The following PPM1D variants were observed in gnomAD, a reference collection of about 807,000 sequenced individuals.
The protein encoded by PPM1D is protein phosphatase 1D.
Under a neutral mutation model 58.3 loss-of-function variants are expected in PPM1D, and 52 were observed. The ratio of observed to expected loss-of-function variants is 0.89; its 90% CI spans 0.71 to 1.12. The LOEUF is 1.12. Ranked by LOEUF, PPM1D falls within the 50% of genes most tolerant of loss-of-function variation. The pLI, the probability that PPM1D is intolerant of heterozygous loss-of-function variation, is 0.00. For missense variants in PPM1D, 564 were observed against 777.2 expected (o/e 0.73, Z 3.26); for synonymous variants, 278 against 285.1 (o/e 0.98, Z 0.25).
intron 3 of PPM1D, among the ~76,000 whole-genome samples, chr17:60,645,612 GTATATA>G (rs369188839): frequency 2.9e-4 from 38 of 131,518 alleles, no homozygotes; most frequent in African/African-American, 1.1e-3. Flanking sequence ...ATATATGTGT[GTATATA>G]TATATGTATA....
intron 1 of PPM1D, among the ~76,000 whole-genome samples, chr17:60,608,073 C>G (rs1246801853): frequency 6.6e-6 from 1 of 152,130 alleles, no homozygotes; most frequent in Non-Finnish European, 1.5e-5. Flanking sequence ...ATTTTTTCAT[C>G]ATAAAGGATC....
chr17:60,606,854 T>C lies in PPM1D; in HGVS notation c.472+5968T>C, dbSNP rs1343787720. On this transcript the variant is annotated intron_variant, in intron 1 of 5. Coordinates refer to ENST00000305921, the MANE Select transcript of PPM1D (RefSeq NM_003620.4). ...CTCTGTTGTCCAGGCTGGAGTGTAA[T>C]GGCATGATCAAAGGTCCCTGCAGCC... Among the ~76,000 whole-genome samples, 4 of 152,120 alleles carry C rather than the reference T, an allele frequency of 2.6e-5. No homozygotes were observed. In the East Asian group the frequency reaches 7.7e-4, roughly 29 times the overall value.
chr17:60,612,940 G>A (rs1416734389), intron 1 of PPM1D, among the ~76,000 whole-genome samples: 1 of 152,164 alleles, frequency 6.6e-6, no homozygotes, highest in Non-Finnish European at 1.5e-5. Context: ...ATTCTTTGAA[G>A]GATGCGACAG....
chr17:60,649,064 C>T (rs9898109), intron 4 of PPM1D, among the ~76,000 whole-genome samples: 6,393 of 151,940 alleles, frequency 0.042, 366 homozygotes, highest in African/African-American at 0.13. Context: ...CGGCCTCCAT[C>T]ACCACTACTT....
chr17:60,660,023 A>T (rs1244404484), intron 5 of PPM1D, among the ~76,000 whole-genome samples: 2 of 151,816 alleles, frequency 1.3e-5, no homozygotes, highest in Non-Finnish European at 2.9e-5. Flanking sequence ...CAATATGGTG[A>T]AACCCTGTTT....
chr17:60,647,794 A>G (rs1026966888), intron 3 of PPM1D, 98 bp from the exon 4 acceptor site: 6 of 1,194,366 alleles, frequency 5.0e-6, no homozygotes, highest in African/African-American at 3.1e-5. Flanking sequence ...TTCTGCGTCT[A>G]TTGAGATGAA....
At chr17:60,656,950 G>C (rs757505789) in intron 5 of PPM1D, 109 bp downstream of exon 5, 1 of 1,593,706 alleles carries the variant, frequency 6.3e-7, no homozygotes. Flanking sequence ...ATTTGAACTC[G>C]ATTCAAGAAA....
At chr17:60,654,044 C>T (rs914674487) in intron 4 of PPM1D, among the ~76,000 whole-genome samples, 1 of 151,904 alleles carries the variant, frequency 6.6e-6, no homozygotes, top group Non-Finnish European at 1.5e-5. Context: ...ATTGCTCTGG[C>T]CGGGACTTCC....
Position 60,663,447 on chromosome 17 carries a change from G to A in PPM1D, c.1713G>A (p.Gln571=), listed in dbSNP as rs762974022. The change falls in exon 6 of 6, where the codon CAG becomes CAA. Residue 571 remains glutamine (Q), a synonymous_variant. Transcript: ENST00000305921. ...CTGCAAGTCTCCCCACAACCTCACA[G>A]CGAAAGAACTCTGTTAAACTCACCA... ...AQPASLPTTS[Q]RKNSVKLTMR... 2 of 1,614,142 alleles carry A rather than the reference G, an allele frequency of 1.2e-6. No homozygotes were observed. The highest frequency in any genetic ancestry group is 1.6e-4 in the Middle Eastern group (1 of 6,062).
At chr17:60,622,189 CAA>C (rs527824050) in intron 1 of PPM1D, among the ~76,000 whole-genome samples, 25 of 105,426 alleles carry the variant, frequency 2.4e-4, no homozygotes, top group Admixed American at 2.0e-4. Context: ...GACTCTGTCT[CAA>C]AAAAAAAAAA....
Position 60,633,992 on chromosome 17 carries a change from A to G in PPM1D, c.826+15A>G. 1 of 1,609,692 alleles carries G rather than the reference A, an allele frequency of 6.2e-7. No homozygotes were observed. The highest frequency in any genetic ancestry group is 2.2e-5 in the East Asian group (1 of 44,814). On this transcript the variant is annotated intron_variant, in intron 3 of 5. Coordinates refer to ENST00000305921, the MANE Select transcript of PPM1D (RefSeq NM_003620.4). The stretch of plus-strand genomic sequence containing the variant: ...AAGAGCACTTGGTAAGTAGGACTTA[A>G]TTTGGTGAAATTATATTGAATTTTC...
intron 1 of PPM1D, among the ~76,000 whole-genome samples, chr17:60,606,936 A>G (rs1251857984): frequency 1.1e-4 from 16 of 151,626 alleles, no homozygotes; most frequent in Admixed American, 8.5e-4. Flanking sequence ...AGCTGAGACT[A>G]CAGGCATGTG....
chr17:60,611,046 TCTGTTGCC>T (rs1406810395), intron 1 of PPM1D, among the ~76,000 whole-genome samples: 9 of 152,240 alleles, frequency 5.9e-5, no homozygotes, highest in African/African-American at 1.9e-4. Flanking sequence ...GGAGTCTCGC[TCTGTTGCC>T]CTGTTGCCCA....
rs1349537537 is a variant in PPM1D, at chr17:60,663,301, GC to G, written c.1570del (p.Gln524LysfsTer15). ...GATGTCAACTCCTGGCCAAATGAAA[GC>G]CCAAGAAATTGAAAGAACCCCTCCA... ...LKMSTPGQMK[A>X]QEIERTPPTN... On this transcript the variant is annotated frameshift_variant, in exon 6 of 6. Coordinates refer to ENST00000305921, the MANE Select transcript of PPM1D (RefSeq NM_003620.4). LOFTEE classifies it high-confidence loss of function. The G allele has an allele frequency of 1.2e-6, 2 of 1,614,012 alleles. No individual in the cohort carries two copies. The highest frequency in any genetic ancestry group is 1.7e-6 in the Non-Finnish European group (2 of 1,180,020).
At chr17:60,615,944 G>C (rs1030413796) in intron 1 of PPM1D, among the ~76,000 whole-genome samples, 4 of 152,070 alleles carry the variant, frequency 2.6e-5, no homozygotes, top group African/African-American at 9.7e-5. Context: ...TCCTGCCTCA[G>C]CCTCACAAGT....
chr17:60,656,976 A>G (rs1440054208), intron 5 of PPM1D, 135 bp downstream of exon 5: 3 of 1,573,978 alleles, frequency 1.9e-6, no homozygotes, highest in African/African-American at 2.7e-5. Context: ...GTAACTTATT[A>G]TCAGAGAGCC....
chr17:60,637,894 GAAGAAAGTGTTTCCAGA>G (rs2031056572), intron 3 of PPM1D, among the ~76,000 whole-genome samples: 1 of 152,208 alleles, frequency 6.6e-6, no homozygotes, highest in Non-Finnish European at 1.5e-5. Context: ...GAAGCTAAGT[GAAGAAAGTGTTTCCAGA>G]AAGAAAGTGT....
chr17:60,638,467 C>G (rs1308978370), intron 3 of PPM1D, among the ~76,000 whole-genome samples: 3 of 152,150 alleles, frequency 2.0e-5, no homozygotes, highest in African/African-American at 7.2e-5. Flanking sequence ...CTCCCCGGCT[C>G]AAATGATTCT....
chr17:60,628,023 C>CCA (rs1057210822), intron 2 of PPM1D, among the ~76,000 whole-genome samples: 1 of 151,892 alleles, frequency 6.6e-6, no homozygotes, highest in Admixed American at 6.6e-5. Context: ...GCATGTACCA[C>CCA]CACACCCAGC....
Sources: allele counts gnomAD v4.1 joint callset (sites outside exome capture counted in the v4.1 genomes callset), GRCh38; gene constraint gnomAD v4.1.1; transcripts MANE v1.5; gene names NCBI Gene and HGNC (gene_info 2026-07-23, HGNC 2026-07-21).